The following CDK5RAP2 variants were observed in gnomAD, a reference collection of about 807,000 sequenced individuals.
The protein encoded by CDK5RAP2 is CDK5 regulatory subunit-associated protein 2.
CDK5RAP2 carries 147 observed loss-of-function variants against 232.9 expected under a neutral mutation model. The ratio of observed to expected loss-of-function variants is 0.63; its 90% CI spans 0.55 to 0.72. CDK5RAP2 has a LOEUF of 0.72. Ranked by LOEUF, CDK5RAP2 falls within the 30% of genes least tolerant of loss-of-function variation. The probability of loss-of-function intolerance (pLI) is 0.00; values close to 1 mark genes in which losing one functional copy is unlikely to be tolerated. For synonymous variants in CDK5RAP2, 833 were observed against 833.7 expected (o/e 1.00, Z 0.01); for missense variants, 2,195 against 2,231.5 (o/e 0.98, Z 0.33).
chr9:120,576,772 G>T (rs1016562260), intron 1 of CDK5RAP2, among the ~76,000 whole-genome samples: 1 of 151,846 alleles, frequency 6.6e-6, no homozygotes, highest in African/African-American at 2.4e-5. Flanking sequence ...ATAATCAAAA[G>T]GACAATAAAA....
At chr9:120,556,585 C>T (rs533232816) in intron 3 of CDK5RAP2, among the ~76,000 whole-genome samples, 6 of 152,080 alleles carry the variant, frequency 3.9e-5, no homozygotes, top group African/African-American at 7.2e-5. Context: ...GGTGTCACCA[C>T]GCCCATCTAA....
Position 120,518,492 on chromosome 9 carries a change from C to G in CDK5RAP2, c.1246G>C (p.Glu416Gln). 1 of 1,613,762 alleles carries G rather than the reference C, an allele frequency of 6.2e-7. No individual in the cohort carries two copies. Among genetic ancestry groups the G allele is most frequent in the South Asian group, 1.1e-5 (1 of 90,990 alleles). ...TCCTCCAGGTCCTTCTCCAGTCTCTCCCTCTCCTGCTGCAAGTCACTCAGC... is the reference window on the plus strand; with the variant it reads ...TCCTCCAGGTCCTTCTCCAGTCTCTGCCTCTCCTGCTGCAAGTCACTCAGC... ...QELSDLQQERERLEKDLEEAH... is the reference protein window; with the variant it reads ...QELSDLQQERQRLEKDLEEAH... Residue 416 changes from glutamate to glutamine, a missense_variant, in exon 12 of 38, where the codon GAG becomes CAG. Glu to Gln is a conservative substitution (Grantham distance 29). Coordinates refer to ENST00000349780, the MANE Select transcript of CDK5RAP2 (RefSeq NM_018249.6).
chr9:120,517,162 T>G (rs1345438107), intron 12 of CDK5RAP2, among the ~76,000 whole-genome samples: 1 of 152,240 alleles, frequency 6.6e-6, no homozygotes, highest in Non-Finnish European at 1.5e-5. Context: ...TGAACGATAG[T>G]ACAGAAAATC....
intron 5 of CDK5RAP2, among the ~76,000 whole-genome samples, chr9:120,545,351 A>T: frequency 6.6e-6 from 1 of 152,222 alleles, no homozygotes; most frequent in Admixed American, 6.5e-5. Flanking sequence ...AAAGTTTAAA[A>T]ACAGGCAGAA....
intron 3 of CDK5RAP2, among the ~76,000 whole-genome samples, chr9:120,554,678 G>C (rs1441235067): frequency 6.6e-6 from 1 of 152,064 alleles, no homozygotes; most frequent in Non-Finnish European, 1.5e-5. Flanking sequence ...CTGTCACCCA[G>C]GCTGGAGTGC....
chr9:120,496,821 G>A (rs1429324112), intron 12 of CDK5RAP2, among the ~76,000 whole-genome samples: 11 of 140,766 alleles, frequency 7.8e-5, no homozygotes, highest in African/African-American at 1.5e-4. Flanking sequence ...CAGCCGCCCC[G>A]TCCGGGAGGT....
intron 12 of CDK5RAP2, among the ~76,000 whole-genome samples, chr9:120,500,252 A>G (rs1301072408): frequency 1.3e-5 from 2 of 152,246 alleles, no homozygotes; most frequent in African/African-American, 4.8e-5. Context: ...TACAGAAAAT[A>G]CAAAAAGGAA....
chr9:120,504,421 T>G (rs959069331), intron 12 of CDK5RAP2, among the ~76,000 whole-genome samples: 1 of 152,086 alleles, frequency 6.6e-6, no homozygotes. Context: ...GATTAGTAAC[T>G]CCTCCCTCCT....
At chr9:120,453,134 A>G (rs1279395517) in intron 21 of CDK5RAP2, among the ~76,000 whole-genome samples, 2 of 152,254 alleles carry the variant, frequency 1.3e-5, no homozygotes, top group Non-Finnish European at 2.9e-5. Context: ...TGAAAGAGAC[A>G]GCTACAGACA....
At chr9:120,569,900 T>G (rs1021143628) in intron 2 of CDK5RAP2, among the ~76,000 whole-genome samples, 4 of 151,944 alleles carry the variant, frequency 2.6e-5, no homozygotes, top group African/African-American at 9.7e-5. Context: ...TATAGGTGGG[T>G]GAGAACTAGT....
intron 21 of CDK5RAP2, among the ~76,000 whole-genome samples, chr9:120,450,586 A>C (rs2036431240): frequency 1.3e-5 from 2 of 152,192 alleles, no homozygotes; most frequent in Non-Finnish European, 2.9e-5. Context: ...AGGAAAACAG[A>C]AAATATTTGG....
At chr9:120,420,382 G>A (rs920812227) in intron 26 of CDK5RAP2, among the ~76,000 whole-genome samples, 4 of 152,068 alleles carry the variant, frequency 2.6e-5, no homozygotes, top group Non-Finnish European at 5.9e-5. Context: ...ACTGTCTCAC[G>A]GCTTGGTCAG....
Position 120,564,181 on chromosome 9 carries a change from C to T in CDK5RAP2, c.195+4140G>A, listed in dbSNP as rs1040785402. The stretch of plus-strand genomic sequence containing the variant: ...GGAATCTACCCTTAAAAAAAAGAAA[C>T]ACTCGGCGAGGCGTGGTGGCTCACG... On this transcript the variant is annotated intron_variant, in intron 3 of 37. Transcript: ENST00000349780. Among the ~76,000 whole-genome samples the T allele has an allele frequency of 2.6e-4, 39 of 152,226 alleles. 1 individual carries two copies. The highest frequency in any genetic ancestry group is 8.7e-4 in the African/African-American group (36 of 41,544).
intron 25 of CDK5RAP2, among the ~76,000 whole-genome samples, chr9:120,436,621 T>C (rs2035596314): frequency 1.3e-5 from 2 of 152,196 alleles, no homozygotes; most frequent in African/African-American, 4.8e-5. Flanking sequence ...AGGAACATCA[T>C]AGCATCAATC....
intron 31 of CDK5RAP2, chr9:120,407,745 A>G (rs2033571140): frequency 6.0e-6 from 1 of 166,064 alleles, no homozygotes; most frequent in Non-Finnish European, 1.3e-5. Context: ...CCACACCTCA[A>G]AATTGATTCT....
At chr9:120,399,701 A>C (rs1020769061) in intron 35 of CDK5RAP2, among the ~76,000 whole-genome samples, 3 of 152,234 alleles carry the variant, frequency 2.0e-5, no homozygotes, top group African/African-American at 7.2e-5. Context: ...GCTGGACCCC[A>C]GTGAGTCTCA....
chr9:120,569,202 G>A (rs569417008), intron 2 of CDK5RAP2, among the ~76,000 whole-genome samples: 84 of 152,194 alleles, frequency 5.5e-4, no homozygotes, highest in Non-Finnish European at 1.1e-3. Flanking sequence ...AATGTGTGCT[G>A]AGTGAATAAG....
At position 120,394,483 on chromosome 9, in the gene CDK5RAP2, G is replaced by C. The variant is rs4410972; in HGVS notation, c.5578+29C>G. On this transcript the variant is annotated intron_variant, in intron 36 of 37. Coordinates refer to ENST00000349780, the MANE Select transcript of CDK5RAP2 (RefSeq NM_018249.6). ...GCCCTCGGAGGCAGGAAGTGGTCAG[G>C]CATAGCGGCCACCCCCACACTCACT... 1,105,381 of 1,613,328 alleles carry C rather than the reference G, an allele frequency of 0.69. 380,613 individuals are homozygous for C. The highest frequency in any genetic ancestry group is 0.79 in the East Asian group (35,318 of 44,844).
chr9:120,579,845 A>G, intron 1 of CDK5RAP2, 75 bp downstream of exon 1: 1 of 1,253,392 alleles, frequency 8.0e-7, no homozygotes. Context: ...GCAAACCCCA[A>G]GGCCGCGTTA....
Sources: allele counts gnomAD v4.1 joint callset (sites outside exome capture counted in the v4.1 genomes callset), GRCh38; gene constraint gnomAD v4.1.1; transcripts MANE v1.5; gene names NCBI Gene and HGNC (gene_info 2026-07-23, HGNC 2026-07-21).